The following FGGY variants were observed in gnomAD, a reference collection of about 807,000 sequenced individuals.
FGGY encodes FGGY carbohydrate kinase domain containing, also known as FGGY carbohydrate kinase domain-containing protein.
Under a neutral mutation model 71.3 loss-of-function variants are expected in FGGY, and 72 were observed. The observed-to-expected ratio is 1.01, with a 90% confidence interval of 0.84 to 1.23. The LOEUF (loss-of-function observed/expected upper bound fraction) is 1.23. Among genes scored for constraint, FGGY ranks in the 50% most tolerant of loss-of-function variants. FGGY has a pLI of 0.00. For synonymous variants in FGGY, 251 were observed against 250.3 expected, an observed-to-expected ratio of 1.00 and a Z score of -0.02; for missense variants, 668 against 682.3, an observed-to-expected ratio of 0.98 and a Z score of 0.23.
rs75450752 is a variant in FGGY at position 59,532,871 on chromosome 1, G to C, written c.799+20432G>C. Among the ~76,000 whole-genome samples, 1,215 of 152,144 alleles carry C rather than the reference G, an allele frequency of 8.0e-3. 13 individuals carry two copies. Among genetic ancestry groups the C allele is most frequent in the Non-Finnish European group, 0.01 (692 of 67,992 alleles). On this transcript the variant is annotated intron_variant, in intron 7 of 15. Transcript: ENST00000303721. Reference sequence around the variant, plus strand: ...ATTATACACATATAGAATGTCAAAAGAATCTATAGATAAAATATTAAAATT... The same window carrying C: ...ATTATACACATATAGAATGTCAAAACAATCTATAGATAAAATATTAAAATT...
intron 8 of FGGY, among the ~76,000 whole-genome samples, chr1:59,587,477 C>T (rs964407140): frequency 9.2e-5 from 14 of 152,134 alleles, no homozygotes; most frequent in Admixed American, 2.6e-4. Flanking sequence ...GATCTGAGAA[C>T]GGGCAGACTG....
At chr1:59,675,228 A>G (rs1219155483) in intron 14 of FGGY, among the ~76,000 whole-genome samples, 1 of 152,190 alleles carries the variant, frequency 6.6e-6, no homozygotes, top group Non-Finnish European at 1.5e-5. Flanking sequence ...TCTCAAGCTT[A>G]GGACTACAAG....
At chr1:59,428,451 A>G (rs1179166059) in intron 5 of FGGY, among the ~76,000 whole-genome samples, 2 of 152,226 alleles carry the variant, frequency 1.3e-5, no homozygotes, top group African/African-American at 2.4e-5. Context: ...CAGTTGGAGA[A>G]TACCTCAGTA....
At chr1:59,591,937 A>G (rs1404048118) in intron 8 of FGGY, among the ~76,000 whole-genome samples, 2 of 152,206 alleles carry the variant, frequency 1.3e-5, no homozygotes, top group Non-Finnish European at 2.9e-5. Flanking sequence ...AAATTGACAA[A>G]TGGGATCTCA....
At chr1:59,613,435 T>C (rs1253009794) in intron 9 of FGGY, among the ~76,000 whole-genome samples, 1 of 152,326 alleles carries the variant, frequency 6.6e-6, no homozygotes, top group Admixed American at 6.5e-5. Context: ...AATAAGGATG[T>C]TCTTTGAAAC....
intron 5 of FGGY, among the ~76,000 whole-genome samples, chr1:59,453,299 A>ACTCT (rs1267172677): frequency 1.3e-5 from 2 of 152,070 alleles, no homozygotes; most frequent in Non-Finnish European, 1.5e-5. Flanking sequence ...CTCCAGGCAT[A>ACTCT]CTCTCTTATT....
At chr1:59,685,572 G>A (rs2097537661) in intron 14 of FGGY, among the ~76,000 whole-genome samples, 1 of 152,116 alleles carries the variant, frequency 6.6e-6, no homozygotes, top group African/African-American at 2.4e-5. Context: ...AGGACAAGGT[G>A]ATTTGATTCT....
At chr1:59,603,459 C>T (rs1389530555) in intron 8 of FGGY, among the ~76,000 whole-genome samples, 1 of 152,190 alleles carries the variant, frequency 6.6e-6, no homozygotes, top group Non-Finnish European at 1.5e-5. Flanking sequence ...ATCATACAAG[C>T]CTCATTTCAA....
chr1:59,344,505 G>A (rs543311904), intron 3 of FGGY, among the ~76,000 whole-genome samples: 1 of 152,004 alleles, frequency 6.6e-6, no homozygotes, highest in Non-Finnish European at 1.5e-5. Context: ...TGTAGTTGCT[G>A]TTCTTAAACA....
At chr1:59,575,756 T>C (rs1237431489) in intron 8 of FGGY, among the ~76,000 whole-genome samples, 1 of 152,212 alleles carries the variant, frequency 6.6e-6, no homozygotes, top group Non-Finnish European at 1.5e-5. Context: ...TGCTAAACTT[T>C]CTTATTTTTT....
At chr1:59,745,735 G>A (rs931515243) in intron 14 of FGGY, among the ~76,000 whole-genome samples, 2 of 152,166 alleles carry the variant, frequency 1.3e-5, no homozygotes, top group African/African-American at 4.8e-5. Context: ...GTCGGTAAAT[G>A]ACACAAAAGA....
intron 6 of FGGY, among the ~76,000 whole-genome samples, chr1:59,500,192 A>T (rs910314112): frequency 2.0e-5 from 3 of 152,220 alleles, no homozygotes; most frequent in Non-Finnish European, 4.4e-5. Context: ...TTGAAAGTAG[A>T]TTTAAGGAAG....
At chr1:59,453,333 C>A (rs1186738424) in intron 5 of FGGY, among the ~76,000 whole-genome samples, 1 of 152,204 alleles carries the variant, frequency 6.6e-6, no homozygotes, top group Non-Finnish European at 1.5e-5. Flanking sequence ...AAGACCAAGA[C>A]ATCCCTAACT....
chr1:59,305,768 A>C (rs2043348149), intron 1 of FGGY, among the ~76,000 whole-genome samples: 1 of 152,186 alleles, frequency 6.6e-6, no homozygotes, highest in Non-Finnish European at 1.5e-5. Flanking sequence ...TGTTCTCTCT[A>C]ATCCTTTTTG....
intron 7 of FGGY, among the ~76,000 whole-genome samples, chr1:59,518,672 C>T (rs914013241): frequency 3.3e-5 from 5 of 152,126 alleles, no homozygotes; most frequent in Admixed American, 1.3e-4. Context: ...TTGCACCACC[C>T]CACTCTCTCT....
chr1:59,666,697 T>C (rs111737761), intron 12 of FGGY, among the ~76,000 whole-genome samples: 9 of 152,332 alleles, frequency 5.9e-5, no homozygotes, highest in African/African-American at 1.7e-4. Flanking sequence ...AGTCTCCTTT[T>C]AGAGAACCAC....
At chr1:59,401,633 A>C (rs1262934834) in intron 5 of FGGY, among the ~76,000 whole-genome samples, 1 of 152,256 alleles carries the variant, frequency 6.6e-6, no homozygotes, top group African/African-American at 2.4e-5. Flanking sequence ...ATGGTTAATA[A>C]GTCCTTGCCA....
At chr1:59,738,460 G>A (rs78888342) in intron 14 of FGGY, among the ~76,000 whole-genome samples, 2,573 of 152,242 alleles carry the variant, frequency 0.017, 65 homozygotes, top group African/African-American at 0.058. Flanking sequence ...ACTCAAAGAT[G>A]GGGAAAAAAA....
At chr1:59,533,352 G>A (rs1477991320) in intron 7 of FGGY, among the ~76,000 whole-genome samples, 4 of 152,206 alleles carry the variant, frequency 2.6e-5, no homozygotes, top group African/African-American at 9.6e-5. Context: ...AGGGTCCTAC[G>A]CCCACGGAGT....
Sources: allele counts gnomAD v4.1 joint callset (sites outside exome capture counted in the v4.1 genomes callset), GRCh38; gene constraint gnomAD v4.1.1; transcripts MANE v1.5; gene names NCBI Gene and HGNC (gene_info 2026-07-23, HGNC 2026-07-21).